HDAC11: variants seen among roughly 807,000 people sequenced by gnomAD.
The protein encoded by HDAC11 is histone deacetylase 11.
A neutral mutation model predicts 41.1 loss-of-function variants in HDAC11; 23 were observed. The ratio of observed to expected loss-of-function variants is 0.56; its 90% CI spans 0.40 to 0.79. The LOEUF is 0.79. Among genes scored for constraint, HDAC11 ranks in the 30% least tolerant of loss-of-function variants. The pLI, the probability that HDAC11 is intolerant of heterozygous loss-of-function variation, is 0.00. For synonymous variants in HDAC11, 187 were observed against 186.6 expected, an observed-to-expected ratio of 1.00 and a Z score of -0.02; for missense variants, 402 against 477.3, an observed-to-expected ratio of 0.84 and a Z score of 1.47.
chr3:13,494,336 G>C (rs941979430), intron 3 of HDAC11, among the ~76,000 whole-genome samples: 1 of 152,206 alleles, frequency 6.6e-6, no homozygotes, highest in Non-Finnish European at 1.5e-5. Flanking sequence ...CCAGCCACAC[G>C]CGGGGCCTCT....
intron 6 of HDAC11, 97 bp from the exon 7 acceptor site, chr3:13,501,774 C>T (rs59143878): frequency 0.052 from 56,197 of 1,090,212 alleles, 2,612 homozygotes; most frequent in East Asian, 0.18. Flanking sequence ...AGCATTAGGC[C>T]CCCCTCCCCG....
At chr3:13,495,795 C>T (rs1702070768) in intron 3 of HDAC11, among the ~76,000 whole-genome samples, 1 of 152,218 alleles carries the variant, frequency 6.6e-6, no homozygotes, top group African/African-American at 2.4e-5. Context: ...ACCTCTGCAT[C>T]TGGATAACTC....
chr3:13,491,165 G>A (rs1469361390), intron 3 of HDAC11, among the ~76,000 whole-genome samples: 1 of 150,590 alleles, frequency 6.6e-6, no homozygotes, highest in African/African-American at 2.4e-5. Flanking sequence ...AAGAGAGGTA[G>A]CTTCCTTTCC....
intron 6 of HDAC11, among the ~76,000 whole-genome samples, 162 bp downstream of exon 6, chr3:13,500,951 A>G (rs915527290): frequency 5.9e-5 from 9 of 152,210 alleles, no homozygotes; most frequent in Non-Finnish European, 1.2e-4. Context: ...AACTGAATCC[A>G]GATCTGACAC....
At chr3:13,498,147 C>T (rs1054966949) in intron 4 of HDAC11, among the ~76,000 whole-genome samples, 2 of 152,200 alleles carry the variant, frequency 1.3e-5, no homozygotes, top group Admixed American at 6.5e-5. Flanking sequence ...TGAGCCACTG[C>T]GCCTGGCCCA....
At position 13,504,672 on chromosome 3, in the gene HDAC11, G is replaced by A. The variant is rs1416035864; in HGVS notation, c.1033G>A (p.Ala345Thr). The change falls in exon 10 of 10, where the codon GCA (alanine) becomes ACA (threonine). Residue 345 changes from alanine to threonine, a missense_variant. By Grantham distance (58) the Ala-to-Thr change is moderately conservative. Coordinates refer to ENST00000295757, the MANE Select transcript of HDAC11 (RefSeq NM_024827.4). Reference protein sequence around the residue: ...QNSDTPLLPPAVP With the variant: ...QNSDTPLLPPTVP Reference sequence around the variant, plus strand: ...CTCAGACACACCGCTGCTTCCCCCTGCAGTGCCCTGACCCTTGCTGCCCTG... The same window carrying A: ...CTCAGACACACCGCTGCTTCCCCCTACAGTGCCCTGACCCTTGCTGCCCTG... 3 of 1,613,692 alleles carry A rather than the reference G, an allele frequency of 1.9e-6. No individual in the cohort carries two copies. The highest frequency in any genetic ancestry group is 2.7e-5 in the African/African-American group (2 of 75,074).
At position 13,505,906 on chromosome 3, in the gene HDAC11, C is replaced by A. The variant is rs1355475438; in HGVS notation, c.*1223C>A. The A allele has an allele frequency of 6.6e-6, 1 of 152,376 alleles. No homozygotes were observed. Among genetic ancestry groups the A allele is most frequent in the Non-Finnish European group, 1.5e-5 (1 of 68,202 alleles). The allele number at this position is 152,376 out of a possible 1,614,324, so 9.4% of individuals were successfully genotyped here. A position where few individuals can be genotyped will look rare whatever the true frequency, so the allele number is the denominator to read the frequency against. On this transcript the variant is annotated 3_prime_UTR_variant, in exon 10 of 10. Coordinates refer to ENST00000295757, the MANE Select transcript of HDAC11 (RefSeq NM_024827.4). ...CACCCCTGCTAGCCGGCAGCTGTGG[C>A]CCTGATCAAATCAGGGGCTGGGGAG...
Position 13,480,659 on chromosome 3 carries a change from A to G in HDAC11, c.2+310A>G. ...GCCCCCTGGCTACGCGGACGCCCCC[A>G]CGGAGGCAGCCACTGGGGCGGATTT... On this transcript the variant is annotated intron_variant, in intron 1 of 9. Coordinates refer to ENST00000295757, the MANE Select transcript of HDAC11 (RefSeq NM_024827.4). This position sits in a 1 kb window ranked among gnomAD's most constrained non-coding sequence, Gnocchi z 4.6. 7.0e-6 allele frequency: 3 copies of G among 429,352 alleles called. No individual in the cohort carries two copies. Among genetic ancestry groups the G allele is most frequent in the Non-Finnish European group, 9.5e-6 (2 of 210,128 alleles). The allele number at this position is 429,352 out of a possible 1,614,324, so 26.6% of individuals were successfully genotyped here.
At position 13,483,480 on chromosome 3, in the gene HDAC11, T is replaced by C. The variant is rs1175532912; in HGVS notation, c.168T>C (p.Ser56=). ...INFLKEEKLL[S]DSMLVEAREA... is the part of the protein sequence containing the mutation. ...TGGTTTCAGAAGAGAAGCTTCTGTC[T>C]GACAGCATGCTGGTGGAGGCGCGGG... is the stretch of plus-strand genomic sequence containing the variant. Residue 56 remains serine (S), a synonymous_variant, in exon 3 of 10, where the codon TCT becomes TCC. Coordinates refer to ENST00000295757, the MANE Select transcript of HDAC11 (RefSeq NM_024827.4). 2 of 1,613,968 alleles carry C rather than the reference T, an allele frequency of 1.2e-6. No homozygotes were observed. Among genetic ancestry groups the C allele is most frequent in the Admixed American group, 3.3e-5 (2 of 60,008 alleles).
At chr3:13,490,954 T>C (rs1701830086) in intron 3 of HDAC11, among the ~76,000 whole-genome samples, 1 of 152,048 alleles carries the variant, frequency 6.6e-6, no homozygotes, top group African/African-American at 2.4e-5. Flanking sequence ...TTTCGCCATG[T>C]TGGCCAGTGT....
chr3:13,481,247 C>T lies in HDAC11; in HGVS notation c.4C>T (p.Leu2=). ...CGTCTGTCTTTTTCCACACGGTAGGCTACACACAACCCAGCTGTACCAGCA... is the reference window on the plus strand; with the variant it reads ...CGTCTGTCTTTTTCCACACGGTAGGTTACACACAACCCAGCTGTACCAGCA... M[L]HTTQLYQHVP... Residue 2 remains leucine (L), a splice_region_variant and synonymous_variant, in exon 2 of 10, where the codon CTA becomes TTA. Coordinates refer to ENST00000295757, the MANE Select transcript of HDAC11 (RefSeq NM_024827.4). 6.2e-7 allele frequency: 1 copy of T among 1,611,936 alleles called. No individual in the cohort carries two copies. Among genetic ancestry groups the T allele is most frequent in the Admixed American group, 1.7e-5 (1 of 59,966 alleles).
Position 13,502,300 on chromosome 3 carries a change from C to T in HDAC11, c.552+367C>T, listed in dbSNP as rs569716696. On this transcript the variant is annotated intron_variant, in intron 7 of 9. Transcript: ENST00000295757. The surrounding 1 kb of genome is among the most constrained non-coding windows in gnomAD (Gnocchi z 4.1). ...GAGCACTGGCCACCTGCCCCTCAGG[C>T]GGATGCCCACACACATGGCTTGGCT... 2.9e-5 allele frequency: 7 copies of T among 238,642 alleles called. No individual in the cohort carries two copies. Among genetic ancestry groups the T allele is most frequent in the South Asian group, 9.7e-5 (1 of 10,270 alleles). 14.8% of individuals were successfully genotyped at this position (238,642 alleles called of 1,614,324 possible). A position where few individuals can be genotyped will look rare whatever the true frequency, so the allele number is the denominator to read the frequency against.
intron 3 of HDAC11, among the ~76,000 whole-genome samples, chr3:13,488,853 AT>A (rs1701717083): frequency 6.6e-6 from 1 of 151,802 alleles, no homozygotes; most frequent in Non-Finnish European, 1.5e-5. Flanking sequence ...GGGCTGCACC[AT>A]TTCCACCAGT....
chr3:13,496,877 TG>T, intron 4 of HDAC11, 25 bp downstream of exon 4: 1 of 1,052,092 alleles, frequency 9.5e-7, no homozygotes, highest in South Asian at 1.4e-5. Context: ...GGGGCATGGC[TG>T]GGCTGGGGGC....
At chr3:13,498,434 G>A (rs1702205610) in intron 4 of HDAC11, 79 bp from the exon 5 acceptor site, 1 of 1,557,834 alleles carries the variant, frequency 6.4e-7, no homozygotes, top group African/African-American at 1.4e-5. Context: ...AGTGTTTATG[G>A]AATGAGTGCA....
In HDAC11 at chr3:13,480,707, A is replaced by G; in HGVS notation, c.2+358A>G. 1 of 476,930 alleles carries G rather than the reference A, an allele frequency of 2.1e-6. No homozygotes were observed. Among genetic ancestry groups the G allele is most frequent in the South Asian group, 1.6e-5 (1 of 61,122 alleles). 29.5% of individuals were successfully genotyped at this position (476,930 alleles called of 1,614,324 possible). A position where few individuals can be genotyped will look rare whatever the true frequency, so the allele number is the denominator to read the frequency against. ...TTTCTGTCTCTGGGTGACGACTGCC[A>G]GGGTGTGATGGGAAGGGTTAGCAGC... is the stretch of plus-strand genomic sequence containing the variant. On this transcript the variant is annotated intron_variant, in intron 1 of 9. Transcript: ENST00000295757. This position sits in a 1 kb window ranked among gnomAD's most constrained non-coding sequence, Gnocchi z 4.6.
At chr3:13,499,255 C>G (rs768978204) in intron 5 of HDAC11, among the ~76,000 whole-genome samples, 1 of 152,172 alleles carries the variant, frequency 6.6e-6, no homozygotes, top group Admixed American at 6.5e-5. Context: ...CCGCAACCTC[C>G]GCCTCCCAGG....
Position 13,504,451 on chromosome 3 carries a change from T to G in HDAC11, c.829-17T>G. The G allele has an allele frequency of 1.2e-6, 2 of 1,612,416 alleles. No homozygotes were observed. The highest frequency in any genetic ancestry group is 1.7e-6 in the Non-Finnish European group (2 of 1,179,734). On this transcript the variant is annotated splice_polypyrimidine_tract_variant and intron_variant, in intron 9 of 9. Transcript: ENST00000295757. Reference sequence around the variant, plus strand: ...GGGGTCTGGCCTGCCTGAGTCACCCTCCTCTTCCCCTAACAGGGCATCGTG... The same window carrying G: ...GGGGTCTGGCCTGCCTGAGTCACCCGCCTCTTCCCCTAACAGGGCATCGTG...
intron 5 of HDAC11, 70 bp from the exon 6 acceptor site, chr3:13,500,643 G>A: frequency 8.0e-7 from 1 of 1,250,970 alleles, no homozygotes; most frequent in Non-Finnish European, 1.1e-6. Context: ...GGAGGTGAAG[G>A]GATGGAGGAG....
Sources: allele counts gnomAD v4.1 joint callset (sites outside exome capture counted in the v4.1 genomes callset), GRCh38; gene constraint gnomAD v4.1.1; non-coding constraint Gnocchi (gnomAD v3.1); transcripts MANE v1.5; gene names NCBI Gene and HGNC (gene_info 2026-07-23, HGNC 2026-07-21).